INPP4A: variants seen among roughly 807,000 people sequenced by gnomAD.
The protein encoded by INPP4A is inositol polyphosphate-4-phosphatase, type I, 107kD.
INPP4A carries 33 observed loss-of-function variants against 119.8 expected under a neutral mutation model. The observed-to-expected ratio is 0.28, with a 90% confidence interval of 0.21 to 0.37. The LOEUF (loss-of-function observed/expected upper bound fraction) is 0.37. Ranked by LOEUF, INPP4A falls within the 10% of genes least tolerant of loss-of-function variation. The pLI is 1.00. For synonymous variants in INPP4A, 496 were observed against 500.7 expected (o/e 0.99, Z 0.12); for missense variants, 956 against 1,289.9 (o/e 0.74, Z 3.97).
intron 5 of INPP4A, among the ~76,000 whole-genome samples, chr2:98,534,236 G>A (rs1253893681): frequency 6.6e-6 from 1 of 152,238 alleles, no homozygotes; most frequent in East Asian, 1.9e-4. Context: ...ATCTAGCATA[G>A]TGCCAGGCAC....
intron 24 of INPP4A, among the ~76,000 whole-genome samples, chr2:98,577,423 A>G (rs894831637): frequency 6.6e-6 from 1 of 152,232 alleles, no homozygotes; most frequent in Non-Finnish European, 1.5e-5. Context: ...TCAGGCAGCT[A>G]AACGGGAAGC....
At chr2:98,524,009 ATATG>A (rs1687723347) in intron 4 of INPP4A, among the ~76,000 whole-genome samples, 1 of 152,154 alleles carries the variant, frequency 6.6e-6, no homozygotes, top group Non-Finnish European at 1.5e-5. Context: ...TTTTTAATAT[ATATG>A]GGATCTGCTT....
chr2:98,581,442 T>A (rs1396600337), intron 24 of INPP4A: 14 of 912,002 alleles, frequency 1.5e-5, no homozygotes, highest in Admixed American at 3.8e-5. Flanking sequence ...CATTTTTTTT[T>A]AACCTTATCT....
chr2:98,510,151 T>TGGGGTACTAAGGGAGTTGAA (rs1195530452), intron 1 of INPP4A, among the ~76,000 whole-genome samples: 3 of 152,144 alleles, frequency 2.0e-5, no homozygotes, highest in Non-Finnish European at 4.4e-5. Context: ...GTATGGGAGT[T>TGGGGTACTAAGGGAGTTGAA]GGGGTACTAA....
intron 24 of INPP4A, among the ~76,000 whole-genome samples, chr2:98,582,190 G>T (rs1348947733): frequency 6.6e-6 from 1 of 152,010 alleles, no homozygotes; most frequent in Non-Finnish European, 1.5e-5. Context: ...TCCTTTTGAT[G>T]ACAAACGAAA....
intron 1 of INPP4A, among the ~76,000 whole-genome samples, chr2:98,452,372 G>A (rs907823231): frequency 4.6e-5 from 7 of 152,206 alleles, no homozygotes; most frequent in African/African-American, 9.6e-5. Context: ...CACTGAATCA[G>A]AAACTCTGGG....
intron 1 of INPP4A, among the ~76,000 whole-genome samples, chr2:98,476,714 AT>A (rs947094994): frequency 2.6e-5 from 4 of 152,160 alleles, no homozygotes; most frequent in Non-Finnish European, 4.4e-5. Context: ...CTCATTCACC[AT>A]CACCTGAGAA....
At position 98,552,792 on chromosome 2, in the gene INPP4A, A is replaced by G. The variant is rs1455935374; in HGVS notation, c.1170A>G (p.Ser390=). 7.4e-6 allele frequency: 12 copies of G among 1,611,938 alleles called. No individual in the cohort carries two copies. Among genetic ancestry groups the G allele is most frequent in the Non-Finnish European group, 8.5e-6 (10 of 1,178,194 alleles). ...CCATTCTTATCCTTTCCAGTACATC[A>G]TCTGGCTGCCAGTCCATAATCTACA... The part of the protein sequence containing the change: ...HKFEETKKHT[S]SGCQSIIYIP... The change falls in exon 14 of 25, where the codon TCA becomes TCG. Residue 390 remains serine (S), a synonymous_variant. Transcript: ENST00000409851.
At chr2:98,534,859 G>A (rs1689929207) in intron 5 of INPP4A, among the ~76,000 whole-genome samples, 2 of 152,200 alleles carry the variant, frequency 1.3e-5, no homozygotes, top group African/African-American at 4.8e-5. Flanking sequence ...CCTTGCAAGG[G>A]GAGTTCATGA....
intron 24 of INPP4A, chr2:98,581,688 C>T (rs766668964): frequency 6.2e-7 from 1 of 1,611,984 alleles, no homozygotes; most frequent in Non-Finnish European, 8.5e-7. Context: ...AGCTCTGAGC[C>T]CCAATTTACT....
At chr2:98,534,436 C>G (rs1689832485) in intron 5 of INPP4A, among the ~76,000 whole-genome samples, 1 of 152,136 alleles carries the variant, frequency 6.6e-6, no homozygotes, top group Non-Finnish European at 1.5e-5. Context: ...GAGCAGGCTT[C>G]CTAGGGTGGG....
At position 98,588,756 on chromosome 2, in the gene INPP4A, G is replaced by A. The variant is rs924160702; in HGVS notation, c.*1148G>A. On this transcript the variant is annotated 3_prime_UTR_variant, in exon 25 of 25. Coordinates refer to ENST00000409851, the MANE Select transcript of INPP4A (RefSeq NM_001134225.2). ...GTCATCTTTTATAAGATGATGATGA[G>A]TCTTATCTGCACATAGCAGAGTTTG... 9 of 222,268 alleles carry A rather than the reference G, an allele frequency of 4.0e-5. No homozygotes were observed. The highest frequency in any genetic ancestry group is 7.2e-5 in the Non-Finnish European group (8 of 111,460). The allele number at this position is 222,268 out of a possible 1,614,324, so 13.8% of individuals were successfully genotyped here.
chr2:98,568,172 C>G (rs1696809801), intron 21 of INPP4A, among the ~76,000 whole-genome samples: 1 of 152,148 alleles, frequency 6.6e-6, no homozygotes, highest in Non-Finnish European at 1.5e-5. Flanking sequence ...CAGAGAGTGA[C>G]TTCAGATTGG....
At chr2:98,474,764 T>A (rs923825252) in intron 1 of INPP4A, among the ~76,000 whole-genome samples, 21 of 152,204 alleles carry the variant, frequency 1.4e-4, no homozygotes, top group Non-Finnish European at 2.1e-4. Flanking sequence ...TGGTGTTTTT[T>A]AAAAAAATTC....
At chr2:98,509,428 A>G (rs1256527293) in intron 1 of INPP4A, among the ~76,000 whole-genome samples, 1 of 152,212 alleles carries the variant, frequency 6.6e-6, no homozygotes, top group African/African-American at 2.4e-5. Context: ...CTAATGCCTG[A>G]TGATCTGAGG....
At chr2:98,560,619 C>T (rs1222104812) in intron 17 of INPP4A, among the ~76,000 whole-genome samples, 1 of 152,234 alleles carries the variant, frequency 6.6e-6, no homozygotes, top group African/African-American at 2.4e-5. Flanking sequence ...TTACTGAGGC[C>T]TTGGTAGATG....
At chr2:98,513,754 G>C (rs567903985) in intron 1 of INPP4A, among the ~76,000 whole-genome samples, 1 of 152,354 alleles carries the variant, frequency 6.6e-6, no homozygotes, top group Non-Finnish European at 1.5e-5. Context: ...TGTTCTCTCT[G>C]TTGGCCTTGC....
intron 1 of INPP4A, among the ~76,000 whole-genome samples, chr2:98,452,155 C>T (rs933238287): frequency 2.6e-5 from 4 of 152,202 alleles, no homozygotes; most frequent in African/African-American, 9.7e-5. Context: ...CAGCTGATTC[C>T]CCAGCCACAG....
At chr2:98,446,356 G>T (rs1694189941) in intron 1 of INPP4A, among the ~76,000 whole-genome samples, 1 of 152,140 alleles carries the variant, frequency 6.6e-6, no homozygotes, top group Non-Finnish European at 1.5e-5. Flanking sequence ...CTGAAGTGTC[G>T]ACTGCTAATG....
Sources: allele counts gnomAD v4.1 joint callset (sites outside exome capture counted in the v4.1 genomes callset), GRCh38; gene constraint gnomAD v4.1.1; transcripts MANE v1.5; gene names NCBI Gene and HGNC (gene_info 2026-07-23, HGNC 2026-07-21).